CASK: variants seen among roughly 807,000 people sequenced by gnomAD.
CASK encodes calcium/calmodulin dependent serine protein kinase, also known as peripheral plasma membrane protein CASK.
In CASK, 4 loss-of-function variants were observed where a neutral mutation model predicts 82.9. The observed-to-expected ratio is 0.05, with a 90% CI of 0.02 to 0.11. CASK has a LOEUF of 0.11. Among genes scored for constraint, CASK ranks in the 10% least tolerant of loss-of-function variants. The pLI, the probability that CASK is intolerant of heterozygous loss-of-function variation, is 1.00. For synonymous variants in CASK, 259 were observed against 253.5 expected (o/e 1.02, Z -0.20); for missense variants, 358 against 720.9 (o/e 0.50, Z 5.76).
At chrX:41,530,240 C>T (rs2064781193) in intron 25 of CASK, among the ~76,000 whole-genome samples, 1 of 111,724 alleles carries the variant, frequency 9.0e-6, no homozygotes, top group Admixed American at 9.5e-5. Flanking sequence ...TACTTTGCCT[C>T]CCATATCTAC....
At chrX:41,832,535 C>T (rs1601882366) in intron 2 of CASK, among the ~76,000 whole-genome samples, 1 of 112,459 alleles carries the variant, frequency 8.9e-6, no homozygotes, top group East Asian at 2.8e-4. Flanking sequence ...GAACTGAAAA[C>T]GTATGTTTAC....
chrX:41,724,292 AAG>A (rs1364732150), intron 5 of CASK: 1 of 112,760 alleles, frequency 8.9e-6, no homozygotes, highest in Admixed American at 9.4e-5. Context: ...TCATACAGGT[AAG>A]AGTGATTATT....
rs1306153950 is a variant in CASK, at chrX:41,820,161, A to C, written c.173-32878T>G. 2.3e-4 allele frequency among the ~76,000 whole-genome samples: 26 copies of C among 110,774 alleles called. 1 individual carries two copies. The Admixed American group carries it at 2.5e-3, about 11-fold the overall frequency. ...TAGCAAGGTTGCCAAATATGAGATC[A>C]ATATAAGATCACTGAATTGAATGTC... On this transcript the variant is annotated intron_variant, in intron 2 of 26. Transcript: ENST00000378163.
At chrX:41,836,654 T>C (rs1161210993) in intron 2 of CASK, among the ~76,000 whole-genome samples, 2 of 111,628 alleles carry the variant, frequency 1.8e-5, no homozygotes, top group South Asian at 7.4e-4. Flanking sequence ...GGGATGGGAA[T>C]TTAAAAATAC....
chrX:41,598,036 G>A (rs1208342932), intron 12 of CASK, among the ~76,000 whole-genome samples: 1 of 109,405 alleles, frequency 9.1e-6, no homozygotes, highest in Admixed American at 9.8e-5. Context: ...CTACTTGAAG[G>A]GCTGAGGTGG....
chrX:41,912,809 A>ATATATAT (rs1569482026), intron 1 of CASK, among the ~76,000 whole-genome samples: 3 of 89,581 alleles, frequency 3.3e-5, no homozygotes, highest in Admixed American at 1.2e-4. Flanking sequence ...TATATATATA[A>ATATATAT]AATATATATA....
intron 3 of CASK, among the ~76,000 whole-genome samples, chrX:41,774,868 T>C (rs2069319915): frequency 9.0e-6 from 1 of 111,456 alleles, no homozygotes; most frequent in African/African-American, 3.3e-5. Context: ...TCCTTACACC[T>C]TACACAAAAA....
chrX:41,794,439 G>A (rs906667910), intron 2 of CASK, among the ~76,000 whole-genome samples: 2 of 112,199 alleles, frequency 1.8e-5, no homozygotes, highest in African/African-American at 6.5e-5. Flanking sequence ...TTGTCTAAAA[G>A]GTGCAATTGC....
chrX:41,858,250 G>C (rs2071408845), intron 1 of CASK, among the ~76,000 whole-genome samples: 1 of 112,198 alleles, frequency 8.9e-6, no homozygotes, highest in South Asian at 3.7e-4. Context: ...TCCAGACTGA[G>C]AGCCATCAGT....
intron 5 of CASK, among the ~76,000 whole-genome samples, chrX:41,683,704 A>T (rs2067399298): frequency 9.0e-6 from 1 of 111,665 alleles, no homozygotes; most frequent in African/African-American, 3.3e-5. Context: ...TGGATTTTCA[A>T]CTGTGCGGGG....
At chrX:41,724,678 A>G (rs1383068054) in intron 5 of CASK, among the ~76,000 whole-genome samples, 1 of 112,001 alleles carries the variant, frequency 8.9e-6, no homozygotes, top group Non-Finnish European at 1.9e-5. Context: ...CATAGTAGAT[A>G]CAAGTTTGGG....
intron 12 of CASK, among the ~76,000 whole-genome samples, chrX:41,600,616 C>T (rs2065880057): frequency 8.9e-6 from 1 of 111,852 alleles, no homozygotes; most frequent in African/African-American, 3.2e-5. Flanking sequence ...AATTCTAAAC[C>T]CTGCTTTAAG....
chrX:41,525,364 G>A (rs970466155), intron 25 of CASK, among the ~76,000 whole-genome samples: 10 of 110,887 alleles, frequency 9.0e-5, no homozygotes, highest in Non-Finnish European at 1.9e-4. Context: ...TGGCTTCCTG[G>A]CCTTTTGATT....
intron 17 of CASK, among the ~76,000 whole-genome samples, chrX:41,561,051 T>C (rs1482388257): frequency 9.0e-6 from 1 of 111,315 alleles, no homozygotes; most frequent in Non-Finnish European, 1.9e-5. Flanking sequence ...GCAAAGGCTG[T>C]CATTTTGCCT....
At chrX:41,891,890 A>G (rs1356514728) in intron 1 of CASK, among the ~76,000 whole-genome samples, 2 of 112,240 alleles carry the variant, frequency 1.8e-5, no homozygotes, top group African/African-American at 6.5e-5. Context: ...TTCATTGGTT[A>G]TCGAAGAGAC....
intron 1 of CASK, among the ~76,000 whole-genome samples, chrX:41,898,528 T>G (rs1351950257): frequency 1.8e-5 from 2 of 111,702 alleles, no homozygotes; most frequent in East Asian, 5.6e-4. Context: ...TAAAGTTAGG[T>G]TGTCTATTTG....
chrX:41,860,486 C>A (rs764533143), intron 1 of CASK, among the ~76,000 whole-genome samples: 1 of 112,105 alleles, frequency 8.9e-6, no homozygotes, highest in Non-Finnish European at 1.9e-5. Context: ...GTAGTCATTG[C>A]CACTAAAGAA....
chrX:41,577,401 C>G (rs1452843420), intron 15 of CASK, among the ~76,000 whole-genome samples: 3 of 112,167 alleles, frequency 2.7e-5, no homozygotes, highest in Non-Finnish European at 5.6e-5. Flanking sequence ...TTCTGTACAT[C>G]CACTCTTGAC....
chrX:41,884,540 T>G (rs141232150), intron 1 of CASK, among the ~76,000 whole-genome samples: 204 of 112,360 alleles, frequency 1.8e-3, no homozygotes, highest in African/African-American at 6.3e-3. Context: ...ATCTGCTTCT[T>G]TTTTTGCTGT....
Sources: allele counts gnomAD v4.1 joint callset (sites outside exome capture counted in the v4.1 genomes callset), GRCh38; gene constraint gnomAD v4.1.1; transcripts MANE v1.5; gene names NCBI Gene and HGNC (gene_info 2026-07-23, HGNC 2026-07-21).